The following DNAH2 variants were observed in gnomAD, a reference collection of about 807,000 sequenced individuals.
The protein encoded by DNAH2 is dynein axonemal heavy chain 2.
In DNAH2, 323 loss-of-function variants were observed where a neutral mutation model predicts 523.5. The ratio of observed to expected loss-of-function variants is 0.62; its 90% CI spans 0.56 to 0.68. DNAH2 has a LOEUF of 0.68. DNAH2 is among the 30% of genes least tolerant of loss of function. DNAH2 has a pLI of 0.00. For synonymous variants in DNAH2, 2,093 were observed against 2,177.4 expected (o/e 0.96, Z 1.08); for missense variants, 4,907 against 5,701.5 (o/e 0.86, Z 4.49).
At position 7,798,697 on chromosome 17, in the gene DNAH2, C is replaced by T. The variant is rs749369211; in HGVS notation, c.8538C>T (p.Tyr2846=). Residue 2846 remains tyrosine, a synonymous_variant, in exon 55 of 86, where the codon TAC becomes TAT. Transcript: ENST00000572933. The surrounding 1 kb of genome is among the most constrained non-coding windows in gnomAD (Gnocchi z 5.5). ...GCTCAGGCGAGGTGCCCAATCTCTA[C>T]AAGCCTGATGAATTTGAAGAGGTAG... ...ILSSGEVPNL[Y]KPDEFEEIQS... 8 of 1,613,682 alleles carry T rather than the reference C, an allele frequency of 5.0e-6. No homozygotes were observed. Among genetic ancestry groups the T allele is most frequent in the African/African-American group, 1.3e-5 (1 of 74,918 alleles).
chr17:7,833,377 A>G lies in DNAH2; in HGVS notation c.13130-2A>G, dbSNP rs759081434. On this transcript the variant is annotated splice_acceptor_variant, in intron 85 of 85. Transcript: ENST00000572933. LOFTEE classifies it high-confidence loss of function. ...TCTGACTTCTCCTCTCCTTTCCCCC[A>G]GGCATGTACTCCTGCCCCTGCTATT... The G allele has an allele frequency of 4.3e-6, 7 of 1,613,708 alleles. No homozygotes were observed. The highest frequency in any genetic ancestry group is 4.2e-6 in the Non-Finnish European group (5 of 1,179,888).
chr17:7,727,754 C>CAAAAAAAAAAAAA (rs766811062), intron 4 of DNAH2, among the ~76,000 whole-genome samples: 2 of 48,966 alleles, frequency 4.1e-5, no homozygotes, highest in Admixed American at 2.2e-4. Flanking sequence ...GACTCTGTCT[C>CAAAAAAAAAAAAA]AAAAAAAAAA....
In DNAH2 at chr17:7,798,123, C is replaced by T. The variant is rs2077117100; in HGVS notation, c.8231-34C>T. 1 of 1,550,568 alleles carries T rather than the reference C, an allele frequency of 6.4e-7. No homozygotes were observed. The highest frequency in any genetic ancestry group is 8.7e-7 in the Non-Finnish European group (1 of 1,144,690). ...TGGAGGTCCCCTGAGTTTGCTCAGCCAACTCATTACCCTCACACCCACCCC... is the reference window on the plus strand; with the variant it reads ...TGGAGGTCCCCTGAGTTTGCTCAGCTAACTCATTACCCTCACACCCACCCC... On this transcript the variant is annotated intron_variant, in intron 53 of 85. Coordinates refer to ENST00000572933, the MANE Select transcript of DNAH2 (RefSeq NM_020877.5). This position sits in a 1 kb window ranked among gnomAD's most constrained non-coding sequence, Gnocchi z 5.5.
rs1474846655 is a variant in DNAH2 at position 7,797,435 on chromosome 17, C to T, written c.7985C>T (p.Thr2662Ile). ...GACCGGCTGGTTGATGCGGCAGACA[C>T]AGAAGCCTTCATGGGCATCATAAGC... ...FSDRLVDAAD[T>I]EAFMGIISDK... Residue 2662 changes from threonine (T) to isoleucine (I), a missense_variant, in exon 52 of 86, where the codon ACA (threonine) becomes ATA (isoleucine). Thr to Ile is a moderately conservative substitution (Grantham distance 89, BLOSUM62 -1). Around this residue, in one of 3 missense-constraint regions of DNAH2, gnomAD observed 250 missense variants for 371.3 expected, o/e 0.67. Transcript: ENST00000572933. 3 of 1,614,194 alleles carry T rather than the reference C, an allele frequency of 1.9e-6. No individual in the cohort carries two copies. Among genetic ancestry groups the T allele is most frequent in the Non-Finnish European group, 8.5e-7 (1 of 1,180,048 alleles).
At position 7,740,402 on chromosome 17, in the gene DNAH2, GC is replaced by G; in HGVS notation, c.1377-16del. 6.2e-7 allele frequency: 1 copy of G among 1,613,674 alleles called. No homozygotes were observed. Among genetic ancestry groups the G allele is most frequent in the South Asian group, 1.1e-5 (1 of 91,028 alleles). On this transcript the variant is annotated splice_polypyrimidine_tract_variant and intron_variant, in intron 9 of 85. Transcript: ENST00000572933. ...AGGCGAGGGCACTCAGCTGCCACAT[GC>G]CTCTCCACCGGTGCAGGTTCCGTGC...
At chr17:7,793,514 TC>T (rs1383475859) in intron 48 of DNAH2, among the ~76,000 whole-genome samples, 18 of 119,072 alleles carry the variant, frequency 1.5e-4, no homozygotes, top group South Asian at 2.5e-4. Flanking sequence ...TTTCTTTCTT[TC>T]TTCTCTTTCT....
At chr17:7,806,130 T>C (rs1481461561) in intron 61 of DNAH2, among the ~76,000 whole-genome samples, 1 of 152,206 alleles carries the variant, frequency 6.6e-6, no homozygotes, top group East Asian at 1.9e-4. Context: ...TTCAGTACAG[T>C]GTTCAATACA....
intron 64 of DNAH2, among the ~76,000 whole-genome samples, 173 bp from the exon 65 acceptor site, chr17:7,817,117 G>T (rs2077693492): frequency 6.6e-6 from 1 of 152,202 alleles, no homozygotes; most frequent in African/African-American, 2.4e-5. Flanking sequence ...TAGAGATAGA[G>T]AACTCAAAAG....
chr17:7,794,139 C>A, intron 48 of DNAH2, 115 bp from the exon 49 acceptor site: 1 of 633,330 alleles, frequency 1.6e-6, no homozygotes, highest in South Asian at 2.5e-5. Flanking sequence ...GTTCCTCTTC[C>A]CCTTTGTCCC....
At chr17:7,773,694 G>A (rs540993743) in intron 28 of DNAH2, among the ~76,000 whole-genome samples, 4 of 151,872 alleles carry the variant, frequency 2.6e-5, no homozygotes, top group South Asian at 2.1e-4. Context: ...TTTTTCCTTC[G>A]TCGCAGTTTC....
In DNAH2 at chr17:7,760,620, A is replaced by T; in HGVS notation, c.2786-120A>T. On this transcript the variant is annotated intron_variant, in intron 17 of 85. Transcript: ENST00000572933. This position sits in a 1 kb window ranked among gnomAD's most constrained non-coding sequence, Gnocchi z 4.0. The stretch of plus-strand genomic sequence containing the variant: ...CTTTACCTTCTAATGTGCATGTTTG[A>T]GCTGTATTTCTCTGGGAAGCTGGTT... 1 of 882,554 alleles carries T rather than the reference A, an allele frequency of 1.1e-6. No individual in the cohort carries two copies. Among genetic ancestry groups the T allele is most frequent in the South Asian group, 1.7e-5 (1 of 57,564 alleles). 54.7% of individuals were successfully genotyped at this position (882,554 alleles called of 1,614,324 possible).
intron 3 of DNAH2, 112 bp from the exon 4 acceptor site, chr17:7,727,010 T>C (rs996101364): frequency 2.5e-6 from 3 of 1,219,454 alleles, no homozygotes; most frequent in Non-Finnish European, 3.3e-6. Flanking sequence ...CTAACCATTC[T>C]GAACCTGTCT....
In DNAH2 at chr17:7,770,639, G is replaced by C; in HGVS notation, c.4181G>C (p.Arg1394Thr). 8 of 1,614,170 alleles carry C rather than the reference G, an allele frequency of 5.0e-6. No individual in the cohort carries two copies. Among genetic ancestry groups the C allele is most frequent in the Non-Finnish European group, 6.8e-6 (8 of 1,180,026 alleles). The change falls in exon 26 of 86, where the codon AGA becomes ACA. Residue 1394 changes from arginine (R) to threonine (T), a missense_variant and splice_region_variant. Physicochemically the swap from Arg to Thr is moderately conservative, Grantham distance 71. Around this residue, in one of 3 missense-constraint regions of DNAH2, gnomAD observed 2,806 missense variants for 3,190.8 expected, o/e 0.88. Transcript: ENST00000572933. ...AAGGATAAGGGCCATCATCGGCTCA[G>C]GTCAGGGGAGCTGGGGCTCTAGGAG... ...PYKDKGHHRL[R>T]GTEEVFQALE...
In DNAH2 at chr17:7,821,464, C is replaced by A. The variant is rs2077853721; in HGVS notation, c.11142+95C>A. On this transcript the variant is annotated intron_variant, in intron 73 of 85. Coordinates refer to ENST00000572933, the MANE Select transcript of DNAH2 (RefSeq NM_020877.5). This position sits in a 1 kb window ranked among gnomAD's most constrained non-coding sequence, Gnocchi z 5.0. ...GACTCCAGACCCAGAGGGTCAGGCC[C>A]ACAGCATCAGTGAGTGAGCTGAGAA... The A allele has an allele frequency of 2.8e-6, 4 of 1,450,556 alleles. No homozygotes were observed. The African/African-American group carries it at 5.7e-5, about 20-fold the overall frequency. The allele number at this position is 1,450,556 out of a possible 1,614,324, so 89.9% of individuals were successfully genotyped here.
At chr17:7,756,811 C>T (rs1424263773) in intron 12 of DNAH2, among the ~76,000 whole-genome samples, 1 of 152,088 alleles carries the variant, frequency 6.6e-6, no homozygotes, top group Admixed American at 6.5e-5. Flanking sequence ...GCTGGGATTA[C>T]AGGCGCACGC....
In DNAH2 at chr17:7,786,998, C is replaced by T. The variant is rs764675555; in HGVS notation, c.6568C>T (p.Leu2190Phe). 3 of 1,614,224 alleles carry T rather than the reference C, an allele frequency of 1.9e-6. No homozygotes were observed. Among genetic ancestry groups the T allele is most frequent in the East Asian group, 2.2e-5 (1 of 44,874 alleles). Residue 2190 changes from leucine (L) to phenylalanine (F), a missense_variant, in exon 42 of 86, where the codon CTC becomes TTC. Around this residue, in one of 3 missense-constraint regions of DNAH2, gnomAD observed 2,806 missense variants for 3,190.8 expected, o/e 0.88. Coordinates refer to ENST00000572933, the MANE Select transcript of DNAH2 (RefSeq NM_020877.5). The surrounding 1 kb of genome is among the most constrained non-coding windows in gnomAD (Gnocchi z 7.5). ...CATGGACGATAACAAGGTGTTGACCCTCATCAACGGCGAGCGCATCGCGAT... is the reference window on the plus strand; with the variant it reads ...CATGGACGATAACAAGGTGTTGACCTTCATCAACGGCGAGCGCATCGCGAT... ...SVMDDNKVLT[L>F]INGERIAMPE...
intron 56 of DNAH2, 23 bp downstream of exon 56, chr17:7,799,265 C>T: frequency 6.2e-7 from 1 of 1,611,906 alleles, no homozygotes; most frequent in Non-Finnish European, 8.5e-7. Flanking sequence ...ACATCCTTCT[C>T]TCAGCCCCTT....
chr17:7,830,930 A>G, intron 79 of DNAH2, 88 bp downstream of exon 79: 1 of 1,563,230 alleles, frequency 6.4e-7, no homozygotes, highest in Non-Finnish European at 8.7e-7. Flanking sequence ...GTTTGAGGAG[A>G]GGACGTGAGA....
rs2077966691 is a variant in DNAH2, at chr17:7,824,555, C to A, written c.11681C>A (p.Ala3894Glu). 4.5e-6 allele frequency: 7 copies of A among 1,566,662 alleles called. No homozygotes were observed. The highest frequency in any genetic ancestry group is 1.7e-4 in the Middle Eastern group (1 of 5,874). Residue 3894 changes from alanine to glutamate, a missense_variant, in exon 77 of 86, where the codon GCA becomes GAA. By Grantham distance (107) the Ala-to-Glu change is moderately radical (BLOSUM62 -1). Transcript: ENST00000572933. ...CTTGCAGGACACTGGGTGTTCCTGG[C>A]AAACTGCCACCTGTCACTGTCTTGG... Reference protein sequence around the residue: ...GVTQGHWVFLANCHLSLSWMP... With the variant: ...GVTQGHWVFLENCHLSLSWMP...
Sources: gnomAD v4.1 joint callset for allele counts (sites outside exome capture counted in the v4.1 genomes callset) on GRCh38, gnomAD v4.1.1 for gene constraint, gnomAD v4.1.1 regional missense constraint, Gnocchi (gnomAD v3.1) non-coding constraint, MANE v1.5 for transcripts, NCBI Gene and HGNC (gene_info 2026-07-23, HGNC 2026-07-21) for gene names.